Variants in SEMA3E observed in about 807,000 individuals in gnomAD.
The protein encoded by SEMA3E is semaphorin-3E.
SEMA3E carries 49 observed loss-of-function variants against 93.6 expected under a neutral mutation model. That is an observed-to-expected ratio of 0.52 (90% confidence interval 0.42 to 0.66). The LOEUF is 0.66. SEMA3E is among the 30% of genes least tolerant of loss of function. The probability of loss-of-function intolerance (pLI) is 0.00; values close to 1 mark genes in which losing one functional copy is unlikely to be tolerated. For missense variants in SEMA3E, 906 were observed against 964.8 expected (o/e 0.94, Z 0.81); for synonymous variants, 363 against 330.7 (o/e 1.10, Z -1.06).
Position 83,407,112 on chromosome 7 carries a change from G to C in SEMA3E, c.798C>G (p.Val266=), listed in dbSNP as rs1475070881. The C allele has an allele frequency of 3.7e-6, 6 of 1,613,440 alleles. No homozygotes were observed. The highest frequency in any genetic ancestry group is 3.4e-6 in the Non-Finnish European group (4 of 1,179,746). ...AAAGCCTCACCACACAGAGTCGCCC[G>C]ACCCTGGTGTAAATTGCGTGAGCAT... ...ENNAHAIYTR[V]GRLCVNDVGG... Residue 266 remains valine, a synonymous_variant, in exon 7 of 17, where the codon GTC becomes GTG. Transcript: ENST00000643230.
intron 1 of SEMA3E, among the ~76,000 whole-genome samples, chr7:83,636,754 G>A (rs374458250): frequency 1.4e-4 from 21 of 152,212 alleles, no homozygotes; most frequent in Middle Eastern, 3.4e-3. Flanking sequence ...AGAATACAGT[G>A]CATTATATGC....
chr7:83,568,304 A>G (rs1350893849), intron 1 of SEMA3E, among the ~76,000 whole-genome samples: 1 of 152,104 alleles, frequency 6.6e-6, no homozygotes, highest in Non-Finnish European at 1.5e-5. Context: ...AAATGGGTAA[A>G]GAACTAACCC....
In SEMA3E at chr7:83,592,380, T is replaced by C. The variant is rs115297743; in HGVS notation, c.115+56048A>G. ...TTGCAAAGTGTAAATTATTTCCAGG[T>C]TTAAAGTACTGTTGAGTCTATTCTG... is the stretch of plus-strand genomic sequence containing the variant. On this transcript the variant is annotated intron_variant, in intron 1 of 16. Coordinates refer to ENST00000643230, the MANE Select transcript of SEMA3E (RefSeq NM_012431.3). Among the ~76,000 whole-genome samples, 1,493 of 152,218 alleles carry C rather than the reference T, an allele frequency of 9.8e-3. 27 individuals carry two copies. Among genetic ancestry groups the C allele is most frequent in the African/African-American group, 0.034 (1,417 of 41,554 alleles).
Position 83,487,681 on chromosome 7 carries a change from T to TTGTGTG in SEMA3E, c.276+2432_276+2433insCACACA, listed in dbSNP as rs1291735580. Among the ~76,000 whole-genome samples the TTGTGTG allele has an allele frequency of 6.0e-5, 3 of 49,646 alleles. No individual in the cohort carries two copies. In the South Asian group the frequency reaches 3.8e-3, roughly 63 times the overall value. The allele number at this position is 49,646 out of a possible 152,430, so 32.6% of individuals were successfully genotyped here. ...CCCATTGAATTTGACTGGCAGGAGG[T>TTGTGTG]CGTGTGTGTGTGTGTGTGTGTGTGT... On this transcript the variant is annotated intron_variant, in intron 2 of 16. Coordinates refer to ENST00000643230, the MANE Select transcript of SEMA3E (RefSeq NM_012431.3).
intron 1 of SEMA3E, among the ~76,000 whole-genome samples, chr7:83,493,705 T>C (rs1584287260): frequency 6.6e-6 from 1 of 152,060 alleles, no homozygotes; most frequent in East Asian, 1.9e-4. Flanking sequence ...TTAAGACTTG[T>C]CAGTAGGTAG....
intron 4 of SEMA3E, among the ~76,000 whole-genome samples, chr7:83,460,672 C>G (rs1174249461): frequency 1.2e-5 from 1 of 82,592 alleles, no homozygotes; most frequent in African/African-American, 3.5e-5. Flanking sequence ...TATCTCTGCG[C>G]CCCAATCCCT....
intron 2 of SEMA3E, among the ~76,000 whole-genome samples, chr7:83,477,979 G>A (rs1790054040): frequency 6.6e-6 from 1 of 151,426 alleles, no homozygotes; most frequent in Non-Finnish European, 1.5e-5. Context: ...GGAGTGCAAT[G>A]GCACAATCTC....
chr7:83,572,442 C>T (rs1000960886), intron 1 of SEMA3E, among the ~76,000 whole-genome samples: 1 of 152,150 alleles, frequency 6.6e-6, no homozygotes, highest in South Asian at 2.1e-4. Flanking sequence ...AGATCGAGAC[C>T]ATCCTGGCCA....
At chr7:83,436,022 T>C (rs896830216) in intron 4 of SEMA3E, among the ~76,000 whole-genome samples, 1 of 152,156 alleles carries the variant, frequency 6.6e-6, no homozygotes, top group African/African-American at 2.4e-5. Flanking sequence ...TATTTCATGA[T>C]GTGTTTATAT....
At chr7:83,475,512 G>T (rs1044940257) in intron 2 of SEMA3E, among the ~76,000 whole-genome samples, 1 of 152,142 alleles carries the variant, frequency 6.6e-6, no homozygotes, top group African/African-American at 2.4e-5. Flanking sequence ...ATAAGATTGG[G>T]AGTTTCCTAA....
At chr7:83,370,345 A>G (rs1584196887) in intron 16 of SEMA3E, among the ~76,000 whole-genome samples, 1 of 152,248 alleles carries the variant, frequency 6.6e-6, no homozygotes, top group South Asian at 2.1e-4. Flanking sequence ...CCATGACATC[A>G]TTATTCTTCT....
chr7:83,432,077 ATC>A (rs1788895885), intron 4 of SEMA3E, among the ~76,000 whole-genome samples: 1 of 151,948 alleles, frequency 6.6e-6, no homozygotes, highest in Non-Finnish European at 1.5e-5. Context: ...CCTTTGAATC[ATC>A]ACAGCACAAT....
chr7:83,570,544 C>T (rs1385660308), intron 1 of SEMA3E, among the ~76,000 whole-genome samples: 1 of 53,534 alleles, frequency 1.9e-5, no homozygotes, highest in Non-Finnish European at 2.9e-5. Context: ...CAGAGCGAGA[C>T]TCCGTCTCAA....
intron 1 of SEMA3E, among the ~76,000 whole-genome samples, chr7:83,521,465 T>C (rs1417312248): frequency 2.6e-5 from 4 of 152,178 alleles, no homozygotes; most frequent in African/African-American, 9.6e-5. Context: ...GGAATTTTGT[T>C]TTAAGTTTCA....
At chr7:83,454,272 A>AATATATATATATATATATATATATAT (rs71534491) in intron 4 of SEMA3E, among the ~76,000 whole-genome samples, 1 of 110,134 alleles carries the variant, frequency 9.1e-6, no homozygotes, top group African/African-American at 4.3e-5. Flanking sequence ...AAAAAAAAAA[A>AATATATATATATATATATATATATAT]ATATATATAT....
At chr7:83,534,236 T>TA (rs1043977236) in intron 1 of SEMA3E, among the ~76,000 whole-genome samples, 2 of 152,146 alleles carry the variant, frequency 1.3e-5, no homozygotes, top group Admixed American at 6.5e-5. Context: ...ATCTCATTTT[T>TA]AAAAAAATAC....
intron 1 of SEMA3E, among the ~76,000 whole-genome samples, chr7:83,630,118 A>G (rs1418274613): frequency 1.3e-5 from 2 of 152,046 alleles, no homozygotes; most frequent in African/African-American, 4.8e-5. Flanking sequence ...GGCTGCACCC[A>G]CTGTCTAACC....
chr7:83,432,292 G>T (rs1021231219), intron 4 of SEMA3E, among the ~76,000 whole-genome samples: 23 of 151,564 alleles, frequency 1.5e-4, no homozygotes, highest in East Asian at 5.8e-4. Context: ...TTGTTGTGTG[G>T]CAATAGAGCA....
intron 4 of SEMA3E, among the ~76,000 whole-genome samples, chr7:83,460,722 T>A (rs1199047181): frequency 6.7e-6 from 1 of 149,774 alleles, no homozygotes; most frequent in Non-Finnish European, 1.5e-5. Context: ...CGCCCCGACC[T>A]CTTGTATCTC....
Sources: allele counts gnomAD v4.1 joint callset (sites outside exome capture counted in the v4.1 genomes callset), GRCh38; gene constraint gnomAD v4.1.1; transcripts MANE v1.5; gene names NCBI Gene and HGNC (gene_info 2026-07-23, HGNC 2026-07-21).